Variants in DSTYK observed in about 807,000 individuals in gnomAD.
DSTYK encodes the protein RIP-homologous kinase.
Under a neutral mutation model 98.7 loss-of-function variants are expected in DSTYK, and 34 were observed. That is an observed-to-expected ratio of 0.34 (90% CI 0.26 to 0.46). The LOEUF is 0.46. Ranked by LOEUF, DSTYK falls within the 20% of genes least tolerant of loss-of-function variation. The pLI, the probability that DSTYK is intolerant of heterozygous loss-of-function variation, is 1.00. For missense variants in DSTYK, 962 were observed against 1,181.7 expected, an observed-to-expected ratio of 0.81 and a Z score of 2.73; for synonymous variants, 462 against 457.3, an observed-to-expected ratio of 1.01 and a Z score of -0.13.
rs750149751 is a variant in DSTYK, at chr1:205,187,408, A to G, written c.654+10T>C. The stretch of plus-strand genomic sequence containing the variant: ...TGTATACAATTGGTATAGAAGTATG[A>G]GATTGGTACCTGTAAGAGAGCATGG... On this transcript the variant is annotated intron_variant, in intron 2 of 12. Coordinates refer to ENST00000367162, the MANE Select transcript of DSTYK (RefSeq NM_015375.3). 6.3e-7 allele frequency: 1 copy of G among 1,595,680 alleles called. No homozygotes were observed. The highest frequency in any genetic ancestry group is 1.1e-5 in the South Asian group (1 of 88,788).
At chr1:205,209,721 G>A (rs1346105359) in intron 1 of DSTYK, among the ~76,000 whole-genome samples, 2 of 145,520 alleles carry the variant, frequency 1.4e-5, no homozygotes, top group African/African-American at 4.9e-5. Context: ...CCAGTCGGAT[G>A]TAGGATATTA....
chr1:205,204,550 A>G (rs1659146862), intron 1 of DSTYK, among the ~76,000 whole-genome samples: 1 of 152,104 alleles, frequency 6.6e-6, no homozygotes, highest in Admixed American at 6.6e-5. Context: ...ATTATCTCCA[A>G]ATGTCACAAC....
chr1:205,164,935 A>G lies in DSTYK; in HGVS notation c.1325-980T>C, dbSNP rs369551917. 5.6e-4 allele frequency among the ~76,000 whole-genome samples: 85 copies of G among 152,302 alleles called. 1 individual carries two copies. The highest frequency in any genetic ancestry group is 2.0e-3 in the African/African-American group (84 of 41,566). The stretch of plus-strand genomic sequence containing the variant: ...GGAAACAGCCTCAAAGAGAGAACAA[A>G]GTAGACATGGGAAGGGAATAGTACA... On this transcript the variant is annotated intron_variant, in intron 3 of 12. Coordinates refer to ENST00000367162, the MANE Select transcript of DSTYK (RefSeq NM_015375.3).
intron 10 of DSTYK, among the ~76,000 whole-genome samples, chr1:205,151,481 G>A (rs1657401284): frequency 6.6e-6 from 1 of 152,036 alleles, no homozygotes; most frequent in South Asian, 2.1e-4. Flanking sequence ...TGTTGTTGTT[G>A]TTGTTTTAAA....
intron 1 of DSTYK, among the ~76,000 whole-genome samples, chr1:205,190,041 T>C (rs972820491): frequency 4.6e-5 from 7 of 152,206 alleles, no homozygotes; most frequent in African/African-American, 1.4e-4. Flanking sequence ...TCATACCTTA[T>C]TCTCAACTGC....
intron 2 of DSTYK, among the ~76,000 whole-genome samples, chr1:205,181,154 G>A (rs776373185): frequency 2.6e-5 from 4 of 152,022 alleles, no homozygotes; most frequent in Admixed American, 2.0e-4. Flanking sequence ...ACATATAAAT[G>A]ATCCTTGTTT....
intron 10 of DSTYK, among the ~76,000 whole-genome samples, chr1:205,153,446 G>A (rs944465901): frequency 6.6e-6 from 1 of 152,050 alleles, no homozygotes; most frequent in Non-Finnish European, 1.5e-5. Flanking sequence ...GATTAAAGGA[G>A]ACTAAAGAAA....
chr1:205,160,680 G>A (rs907628080), intron 7 of DSTYK, among the ~76,000 whole-genome samples: 4 of 152,252 alleles, frequency 2.6e-5, no homozygotes, highest in Non-Finnish European at 5.9e-5. Flanking sequence ...TCAGGAAGCT[G>A]TAATCAAGCC....
Position 205,163,949 on chromosome 1 carries a change from A to G in DSTYK, c.1331T>C (p.Ile444Thr). The change falls in exon 4 of 13, where the codon ATT (isoleucine) becomes ACT (threonine). Residue 444 changes from isoleucine to threonine, a missense_variant. Physicochemically the swap from Ile to Thr is moderately conservative, Grantham distance 89 (BLOSUM62 -1). Coordinates refer to ENST00000367162, the MANE Select transcript of DSTYK (RefSeq NM_015375.3). ...DATNMEFKDV[I>T]VPENGEPVGT... ...TACTGGTTCTCCATTCTCAGGGACA[A>G]TGACGTCTATGGAGGCAGAGAAATA... 1 of 1,613,880 alleles carries G rather than the reference A, an allele frequency of 6.2e-7. No homozygotes were observed. Among genetic ancestry groups the G allele is most frequent in the Non-Finnish European group, 8.5e-7 (1 of 1,179,798 alleles).
At chr1:205,199,648 A>G (rs1297776604) in intron 1 of DSTYK, among the ~76,000 whole-genome samples, 2 of 152,166 alleles carry the variant, frequency 1.3e-5, no homozygotes, top group African/African-American at 2.4e-5. Flanking sequence ...CACTCCAGTC[A>G]GAGCTCTGTG....
chr1:205,181,399 G>A (rs961862739), intron 2 of DSTYK, among the ~76,000 whole-genome samples: 105 of 152,238 alleles, frequency 6.9e-4, no homozygotes, highest in African/African-American at 2.2e-3. Flanking sequence ...TTGTTGCCCA[G>A]GCTGGAGTGC....
At chr1:205,164,990 C>G (rs1372993542) in intron 3 of DSTYK, among the ~76,000 whole-genome samples, 1 of 152,158 alleles carries the variant, frequency 6.6e-6, no homozygotes, top group Non-Finnish European at 1.5e-5. Context: ...AGCTTTTGAA[C>G]CCAGTGCTCA....
intron 2 of DSTYK, among the ~76,000 whole-genome samples, chr1:205,183,555 G>A (rs1431414365): frequency 6.6e-6 from 1 of 152,192 alleles, no homozygotes; most frequent in Middle Eastern, 3.2e-3. Flanking sequence ...TAATTTGACA[G>A]TTCAAAATGA....
intron 1 of DSTYK, among the ~76,000 whole-genome samples, chr1:205,208,417 T>G (rs1450042913): frequency 6.6e-6 from 1 of 152,218 alleles, no homozygotes; most frequent in Non-Finnish European, 1.5e-5. Flanking sequence ...AAATTTAGAG[T>G]TAATCCCTGG....
At chr1:205,207,518 AG>A (rs1659238953) in intron 1 of DSTYK, among the ~76,000 whole-genome samples, 1 of 150,894 alleles carries the variant, frequency 6.6e-6, no homozygotes, top group Non-Finnish European at 1.5e-5. Context: ...TGGGAGGCCA[AG>A]GCAGGCAGAT....
intron 2 of DSTYK, chr1:205,173,374 C>T (rs572942171): frequency 1.0e-5 from 1 of 97,732 alleles, no homozygotes; most frequent in South Asian, 3.2e-4. Flanking sequence ...ACCTGGGTGA[C>T]AGAATGAGAC....
intron 9 of DSTYK, 129 bp downstream of exon 9, chr1:205,159,418 G>T: frequency 8.3e-7 from 1 of 1,205,340 alleles, no homozygotes; most frequent in Non-Finnish European, 1.1e-6. Context: ...TTGGAAATAA[G>T]TGAAATAAAC....
intron 1 of DSTYK, among the ~76,000 whole-genome samples, chr1:205,203,174 T>C (rs1659091729): frequency 6.6e-6 from 1 of 151,890 alleles, no homozygotes; most frequent in African/African-American, 2.4e-5. Context: ...TTAAAGGCAA[T>C]AATATTTTCT....
In DSTYK at chr1:205,169,033, G is replaced by T. The variant is rs972132094; in HGVS notation, c.1324+130C>A. ...TTGGCTAAATAGTGGGCTCCTGCTG[G>T]TAACAGTGGGGTGGATGAAGTTACC... On this transcript the variant is annotated intron_variant, in intron 3 of 12. Transcript: ENST00000367162. This position sits in a 1 kb window ranked among gnomAD's most constrained non-coding sequence, Gnocchi z 4.0. The T allele has an allele frequency of 2.6e-6, 2 of 775,806 alleles. No homozygotes were observed. Among genetic ancestry groups the T allele is most frequent in the Non-Finnish European group, 4.1e-6 (2 of 484,524 alleles). 48.1% of individuals were successfully genotyped at this position (775,806 alleles called of 1,614,324 possible). A position where few individuals can be genotyped will look rare whatever the true frequency, so the allele number is the denominator to read the frequency against.
Sources: gnomAD v4.1 joint callset for allele counts (sites outside exome capture counted in the v4.1 genomes callset) on GRCh38, gnomAD v4.1.1 for gene constraint, Gnocchi (gnomAD v3.1) non-coding constraint, MANE v1.5 for transcripts, NCBI Gene and HGNC (gene_info 2026-07-23, HGNC 2026-07-21) for gene names.